The following ELF2 variants were observed in gnomAD, a reference collection of about 807,000 sequenced individuals.
The protein encoded by ELF2 is E74 like ETS transcription factor 2, also known as ETS-related transcription factor Elf-2.
In ELF2, 11 loss-of-function variants were observed where a neutral mutation model predicts 54.8. The observed-to-expected ratio is 0.20, with a 90% confidence interval of 0.13 to 0.33. The LOEUF is 0.33. ELF2 is among the 10% of genes least tolerant of loss of function. ELF2 has a pLI of 1.00. For synonymous variants in ELF2, 203 were observed against 245.1 expected (o/e 0.83, Z 1.61); for missense variants, 513 against 703.0 (o/e 0.73, Z 3.06).
chr4:139,157,146 C>A (rs1740631721), intron 1 of ELF2, among the ~76,000 whole-genome samples: 1 of 152,136 alleles, frequency 6.6e-6, no homozygotes, highest in Non-Finnish European at 1.5e-5. Flanking sequence ...GCTTATTGCT[C>A]CCAGTCTCCA....
chr4:139,096,004 G>A (rs976276485), intron 4 of ELF2, among the ~76,000 whole-genome samples: 2 of 152,138 alleles, frequency 1.3e-5, no homozygotes, highest in East Asian at 1.9e-4. Context: ...CCAGCTACTC[G>A]GGAGGCTGAG....
chr4:139,114,890 T>C (rs1402334195), intron 4 of ELF2: 4 of 1,608,930 alleles, frequency 2.5e-6, no homozygotes, highest in Admixed American at 3.3e-5. Context: ...GGGGCAGCGA[T>C]TGTCCTGTGG....
At chr4:139,095,076 CTTTT>C (rs1315908907) in intron 4 of ELF2, among the ~76,000 whole-genome samples, 1 of 151,772 alleles carries the variant, frequency 6.6e-6, no homozygotes, top group Non-Finnish European at 1.5e-5. Flanking sequence ...ATCTTTATGC[CTTTT>C]TTTCCCCGTC....
At chr4:139,158,665 C>T (rs766140994) in intron 1 of ELF2, among the ~76,000 whole-genome samples, 1 of 151,954 alleles carries the variant, frequency 6.6e-6, no homozygotes, top group Non-Finnish European at 1.5e-5. Context: ...GGCCTGGATA[C>T]GGTTTTGTAT....
chr4:139,060,818 C>A, intron 8 of ELF2, 144 bp from the exon 9 acceptor site: 2 of 706,782 alleles, frequency 2.8e-6, no homozygotes, highest in Non-Finnish European at 4.5e-6. Context: ...CAAACTCTTA[C>A]TGCCTAGATT....
At chr4:139,060,210 C>A in intron 9 of ELF2, 114 bp downstream of exon 9, 1 of 953,838 alleles carries the variant, frequency 1.0e-6, no homozygotes, top group South Asian at 1.8e-5. Context: ...TTTCAAAGTC[C>A]TGACAACACT....
chr4:139,098,119 C>T (rs1161565787), intron 4 of ELF2, among the ~76,000 whole-genome samples: 2 of 152,234 alleles, frequency 1.3e-5, no homozygotes, highest in Non-Finnish European at 2.9e-5. Flanking sequence ...AGGTTAGGTA[C>T]AATGTCCTAT....
At chr4:139,147,126 G>T (rs1350078728) in intron 1 of ELF2, among the ~76,000 whole-genome samples, 1 of 152,152 alleles carries the variant, frequency 6.6e-6, no homozygotes, top group East Asian at 1.9e-4. Context: ...GAAAATATTC[G>T]CCAACTATGC....
intron 4 of ELF2, among the ~76,000 whole-genome samples, chr4:139,097,986 T>G (rs1370227744): frequency 1.3e-5 from 2 of 152,188 alleles, no homozygotes; most frequent in African/African-American, 4.8e-5. Flanking sequence ...CGGCATGAGC[T>G]GCCATGCCTG....
intron 4 of ELF2, among the ~76,000 whole-genome samples, chr4:139,124,700 G>A (rs925243283): frequency 5.9e-5 from 9 of 152,034 alleles, no homozygotes; most frequent in African/African-American, 1.9e-4. Context: ...AAGCAAAGAG[G>A]AAACTGATAG....
At chr4:139,068,265 C>T (rs777350503) in intron 6 of ELF2, among the ~76,000 whole-genome samples, 10 of 152,130 alleles carry the variant, frequency 6.6e-5, no homozygotes, top group African/African-American at 1.7e-4. Flanking sequence ...GTGATCCGTC[C>T]GCCTCGGCCT....
rs983457366 is a variant in ELF2, at chr4:139,057,763, G to A, written c.*1220C>T. 3 of 152,314 alleles carry A rather than the reference G, an allele frequency of 2.0e-5. No homozygotes were observed. Among genetic ancestry groups the A allele is most frequent in the Admixed American group, 1.3e-4 (2 of 15,262 alleles). The allele number at this position is 152,314 out of a possible 1,614,324, so 9.4% of individuals were successfully genotyped here. A position where few individuals can be genotyped will look rare whatever the true frequency, so the allele number is the denominator to read the frequency against. On this transcript the variant is annotated 3_prime_UTR_variant, in exon 10 of 10. Transcript: ENST00000686138. ...GTAGAATTTCTTCATGCAGTAGTTG[G>A]GAAGGAGAAGAGAGATGTTTTATCA...
chr4:139,062,272 G>A (rs1181735481), intron 7 of ELF2, among the ~76,000 whole-genome samples: 1 of 151,936 alleles, frequency 6.6e-6, no homozygotes, highest in Non-Finnish European at 1.5e-5. Context: ...CCAGGTTCAA[G>A]CAATTCTCCT....
intron 6 of ELF2, among the ~76,000 whole-genome samples, chr4:139,068,583 A>G (rs1394830909): frequency 6.6e-6 from 1 of 152,232 alleles, no homozygotes; most frequent in Non-Finnish European, 1.5e-5. Context: ...CAAGGCTAAA[A>G]AAAACTTCCA....
intron 7 of ELF2, among the ~76,000 whole-genome samples, chr4:139,063,643 G>A (rs1276048526): frequency 1.3e-5 from 2 of 152,126 alleles, no homozygotes; most frequent in Non-Finnish European, 2.9e-5. Flanking sequence ...GAAAGTAGAT[G>A]ACAAGTTAAA....
At chr4:139,124,012 C>T (rs939370269) in intron 4 of ELF2, among the ~76,000 whole-genome samples, 4 of 152,104 alleles carry the variant, frequency 2.6e-5, no homozygotes, top group African/African-American at 4.8e-5. Flanking sequence ...ACTACAGTCA[C>T]GAAGCCCATA....
chr4:139,146,109 TC>T (rs1398106032), intron 1 of ELF2, among the ~76,000 whole-genome samples: 2 of 152,194 alleles, frequency 1.3e-5, no homozygotes, highest in Non-Finnish European at 2.9e-5. Flanking sequence ...GATGATATGA[TC>T]GTATACCTAC....
intron 1 of ELF2, among the ~76,000 whole-genome samples, chr4:139,169,843 C>A (rs1742097846): frequency 7.3e-6 from 1 of 136,654 alleles, no homozygotes; most frequent in Non-Finnish European, 1.5e-5. Flanking sequence ...CGCGACAGAG[C>A]GAGACTCTTG....
intron 4 of ELF2, among the ~76,000 whole-genome samples, chr4:139,108,918 G>A (rs962488138): frequency 3.3e-5 from 5 of 152,132 alleles, no homozygotes; most frequent in Admixed American, 1.3e-4. Flanking sequence ...TTCCTGCCCC[G>A]TGTCTAGAAC....
Sources: gnomAD v4.1 joint callset for allele counts (sites outside exome capture counted in the v4.1 genomes callset) on GRCh38, gnomAD v4.1.1 for gene constraint, MANE v1.5 for transcripts, NCBI Gene and HGNC (gene_info 2026-07-23, HGNC 2026-07-21) for gene names.